The following MYO9B variants were observed in gnomAD, a reference collection of about 807,000 sequenced individuals.
MYO9B encodes myosin IXB.
In MYO9B, 71 loss-of-function variants were observed where a neutral mutation model predicts 229.5. That is an observed-to-expected ratio of 0.31 (90% confidence interval 0.26 to 0.38). MYO9B has a LOEUF of 0.38. Among genes scored for constraint, MYO9B ranks in the 10% least tolerant of loss-of-function variants. MYO9B has a pLI of 1.00. For synonymous variants in MYO9B, 1,185 were observed against 1,235.8 expected (o/e 0.96, Z 0.86); for missense variants, 2,255 against 2,920.5 (o/e 0.77, Z 5.25).
At chr19:17,170,094 C>T (rs2072706269) in intron 11 of MYO9B, among the ~76,000 whole-genome samples, 1 of 151,432 alleles carries the variant, frequency 6.6e-6, no homozygotes, top group Admixed American at 6.6e-5. Flanking sequence ...ATGGAATCTC[C>T]CTGTATTGCC....
rs1180921833 is a variant in MYO9B at position 17,202,195 on chromosome 19, G to C, written c.4728G>C (p.Leu1576=). 2 of 1,613,308 alleles carry C rather than the reference G, an allele frequency of 1.2e-6. No homozygotes were observed. The highest frequency in any genetic ancestry group is 2.7e-5 in the African/African-American group (2 of 74,892). ...MENYQIVVSN[L]ATERGQKDTN... Reference sequence around the variant, plus strand: ...ACTACCAGATCGTCGTCAGCAACCTGGCCACTGAGCGTGGCCAGAAGGACA... The same window carrying C: ...ACTACCAGATCGTCGTCAGCAACCTCGCCACTGAGCGTGGCCAGAAGGACA... The change falls in exon 28 of 40, where the codon CTG becomes CTC. Residue 1576 remains leucine (L), a synonymous_variant. Coordinates refer to ENST00000682292, the MANE Select transcript of MYO9B (RefSeq NM_004145.4).
At chr19:17,086,377 C>T (rs1444931447) in intron 1 of MYO9B, among the ~76,000 whole-genome samples, 2 of 152,236 alleles carry the variant, frequency 1.3e-5, no homozygotes, top group African/African-American at 2.4e-5. Context: ...ACGTCCAGCT[C>T]GTTTGCACTG....
At chr19:17,138,053 C>T (rs922347407) in intron 2 of MYO9B, among the ~76,000 whole-genome samples, 7 of 152,082 alleles carry the variant, frequency 4.6e-5, no homozygotes, top group African/African-American at 1.7e-4. Flanking sequence ...CCTCTCCTAG[C>T]CCCCTACCCC....
At chr19:17,201,377 A>G (rs147990288) in intron 26 of MYO9B, among the ~76,000 whole-genome samples, 2 of 152,204 alleles carry the variant, frequency 1.3e-5, no homozygotes, top group South Asian at 2.1e-4. Context: ...TGCAGCAGAT[A>G]GAGCTACATT....
intron 14 of MYO9B, chr19:17,177,725 C>G (rs1480165898): frequency 1.3e-5 from 2 of 152,560 alleles, no homozygotes; most frequent in African/African-American, 4.8e-5. Context: ...ATCCATCTCC[C>G]CAGGGCCTGG....
intron 1 of MYO9B, among the ~76,000 whole-genome samples, chr19:17,091,775 C>T (rs1320593690): frequency 6.6e-6 from 1 of 152,184 alleles, no homozygotes; most frequent in Non-Finnish European, 1.5e-5. Context: ...TACCCCCTTC[C>T]CTGCAGCCCT....
At chr19:17,201,718 A>T (rs140669721) in intron 26 of MYO9B, among the ~76,000 whole-genome samples, 1 of 151,966 alleles carries the variant, frequency 6.6e-6, no homozygotes, top group Non-Finnish European at 1.5e-5. Flanking sequence ...GCAGGCCCCA[A>T]TGTGGAGAGT....
chr19:17,127,193 T>C (rs571282865), intron 2 of MYO9B, among the ~76,000 whole-genome samples: 216 of 146,296 alleles, frequency 1.5e-3, no homozygotes, highest in African/African-American at 4.7e-3. Flanking sequence ...ATTTGTAGTT[T>C]GGTAGAGATG....
At chr19:17,171,418 C>A (rs1213741439) in intron 11 of MYO9B, among the ~76,000 whole-genome samples, 1 of 152,112 alleles carries the variant, frequency 6.6e-6, no homozygotes, top group Non-Finnish European at 1.5e-5. Context: ...GGAGAAGGAC[C>A]CCCTGTCCAA....
chr19:17,193,196 T>A lies in MYO9B; in HGVS notation c.3128+134T>A. 2 of 1,082,340 alleles carry A rather than the reference T, an allele frequency of 1.8e-6. No individual in the cohort carries two copies. Among genetic ancestry groups the A allele is most frequent in the Non-Finnish European group, 2.5e-6 (2 of 799,246 alleles). 67.0% of individuals were successfully genotyped at this position (1,082,340 alleles called of 1,614,324 possible). The stretch of plus-strand genomic sequence containing the variant: ...CATTCTGGACACAGGGAAAGGCTGG[T>A]GGGAAACCAGATGCCTAGGCACTCA... On this transcript the variant is annotated intron_variant, in intron 21 of 39. Transcript: ENST00000682292. This position sits in a 1 kb window ranked among gnomAD's most constrained non-coding sequence, Gnocchi z 4.3.
Position 17,078,801 on chromosome 19 carries a change from T to A in MYO9B, c.-59+2927T>A, listed in dbSNP as rs578038554. Reference sequence around the variant, plus strand: ...CCCGGCCTGTACAGGGCATCCCAGCTCTCTCATTCTGCCAACCGGCAGTGC... The same window carrying A: ...CCCGGCCTGTACAGGGCATCCCAGCACTCTCATTCTGCCAACCGGCAGTGC... On this transcript the variant is annotated intron_variant, in intron 1 of 39. Transcript: ENST00000682292. Among the ~76,000 whole-genome samples, 13 of 152,318 alleles carry A rather than the reference T, an allele frequency of 8.5e-5. No homozygotes were observed. The East Asian group carries it at 2.1e-3, about 25-fold the overall frequency.
At chr19:17,178,416 A>C (rs1368756286) in intron 14 of MYO9B, 1 of 152,220 alleles carries the variant, frequency 6.6e-6, no homozygotes, top group Non-Finnish European at 1.5e-5. Flanking sequence ...CAGCCTGGGC[A>C]ACATAGCAAG....
intron 6 of MYO9B, among the ~76,000 whole-genome samples, chr19:17,156,665 T>C (rs1295988259): frequency 6.6e-6 from 1 of 152,108 alleles, no homozygotes; most frequent in Non-Finnish European, 1.5e-5. Flanking sequence ...TACAGTGAGC[T>C]ATGATTGTGT....
chr19:17,136,661 A>G (rs2072273694), intron 2 of MYO9B, among the ~76,000 whole-genome samples: 1 of 152,062 alleles, frequency 6.6e-6, no homozygotes, highest in Non-Finnish European at 1.5e-5. Context: ...GGACGCCCCC[A>G]TCACACAGGA....
intron 1 of MYO9B, among the ~76,000 whole-genome samples, chr19:17,076,104 G>GA (rs2057480196): frequency 1.3e-5 from 2 of 151,812 alleles, no homozygotes; most frequent in Non-Finnish European, 1.5e-5. Context: ...AGGGCGTGGG[G>GA]GGGGTGAGTC....
In MYO9B at chr19:17,206,748, A is replaced by C; in HGVS notation, c.5456A>C (p.His1819Pro). 1 of 1,591,898 alleles carries C rather than the reference A, an allele frequency of 6.3e-7. No individual in the cohort carries two copies. Among genetic ancestry groups the C allele is most frequent in the Non-Finnish European group, 8.5e-7 (1 of 1,169,980 alleles). Residue 1819 changes from histidine to proline, a missense_variant, in exon 34 of 40, where the codon CAC becomes CCC. This residue lies in a region of MYO9B where 416 missense variants were observed against 605.5 expected (regional missense o/e 0.69). Coordinates refer to ENST00000682292, the MANE Select transcript of MYO9B (RefSeq NM_004145.4). ...CTGGAGCACCTTCCAGAAGCCAACC[A>C]CAACTCCCTGGAGAGACTCATCTTC... is the stretch of plus-strand genomic sequence containing the variant. ...AVLEHLPEAN[H>P]NSLERLIFHL...
chr19:17,185,433 C>T lies in MYO9B; in HGVS notation c.2496+446C>T, dbSNP rs573958164. Among the ~76,000 whole-genome samples, 12 of 151,458 alleles carry T rather than the reference C, an allele frequency of 7.9e-5. No homozygotes were observed. The South Asian group carries it at 2.3e-3, about 29-fold the overall frequency. On this transcript the variant is annotated intron_variant, in intron 17 of 39. Transcript: ENST00000682292. ...GCATGGTGGGCACCTGTAATCTCAG[C>T]TCCTTGGGAGGCTGAGGCAGGAGAA...
intron 1 of MYO9B, among the ~76,000 whole-genome samples, chr19:17,096,745 G>A (rs2057696217): frequency 1.5e-5 from 2 of 135,590 alleles, no homozygotes; most frequent in Admixed American, 1.6e-4. Context: ...TCGCTCTGTC[G>A]CCCAGGCTGG....
intron 35 of MYO9B, among the ~76,000 whole-genome samples, chr19:17,208,632 T>C (rs895184630): frequency 1.3e-5 from 2 of 152,002 alleles, no homozygotes; most frequent in African/African-American, 4.8e-5. Context: ...GAGGTTTCAC[T>C]ATGTTAGCCA....
Sources: allele counts gnomAD v4.1 joint callset (sites outside exome capture counted in the v4.1 genomes callset), GRCh38; gene constraint gnomAD v4.1.1; regional missense constraint gnomAD v4.1.1; non-coding constraint Gnocchi (gnomAD v3.1); transcripts MANE v1.5; gene names NCBI Gene and HGNC (gene_info 2026-07-23, HGNC 2026-07-21).